Variants in CFTR observed in about 807,000 individuals in gnomAD.
CFTR encodes cystic fibrosis transmembrane conductance regulator.
CFTR carries 181 observed loss-of-function variants against 171.6 expected under a neutral mutation model. The ratio of observed to expected loss-of-function variants is 1.05; its 90% CI spans 0.93 to 1.19. The LOEUF (loss-of-function observed/expected upper bound fraction) is 1.19. Ranked by LOEUF, CFTR falls within the 50% of genes most tolerant of loss-of-function variation. The pLI, the probability that CFTR is intolerant of heterozygous loss-of-function variation, is 0.00. For missense variants in CFTR, 1,968 were observed against 1,734.7 expected (o/e 1.13, Z -2.39); for synonymous variants, 583 against 608.0 (o/e 0.96, Z 0.60).
intron 21 of CFTR, among the ~76,000 whole-genome samples, chr7:117,627,120 TC>T (rs1292268326): frequency 1.3e-5 from 2 of 152,106 alleles, no homozygotes; most frequent in Non-Finnish European, 2.9e-5. Flanking sequence ...CTAAGGTAGT[TC>T]GAGAGAAAGA....
chr7:117,492,105 T>C (rs1798168578), intron 1 of CFTR, among the ~76,000 whole-genome samples: 1 of 152,026 alleles, frequency 6.6e-6, no homozygotes. Context: ...ATTTATGAAA[T>C]TTTGGTACAT....
At chr7:117,519,400 C>A (rs1343128886) in intron 3 of CFTR, among the ~76,000 whole-genome samples, 5 of 151,984 alleles carry the variant, frequency 3.3e-5, no homozygotes, top group Non-Finnish European at 5.9e-5. Context: ...TTTTACCCTG[C>A]CAAAAGCAAA....
At chr7:117,480,289 G>T (rs1797981995) in intron 1 of CFTR, 142 bp downstream of exon 1, 1 of 778,612 alleles carries the variant, frequency 1.3e-6, no homozygotes, top group South Asian at 1.4e-5. Context: ...GAAAATGTGG[G>T]TATTGTAGAA....
intron 4 of CFTR, 86 bp downstream of exon 4, chr7:117,531,200 C>A: frequency 1.0e-6 from 1 of 994,952 alleles, no homozygotes; most frequent in Non-Finnish European, 1.5e-6. Context: ...TGAGCTGGTA[C>A]AAGTAAGGGA....
intron 11 of CFTR, among the ~76,000 whole-genome samples, chr7:117,571,966 C>T (rs1161123236): frequency 6.6e-6 from 1 of 151,088 alleles, no homozygotes; most frequent in East Asian, 1.9e-4. Context: ...TTGGTCAGTT[C>T]CTATCAGTGA....
chr7:117,492,746 C>T (rs1325402089), intron 1 of CFTR, among the ~76,000 whole-genome samples: 1 of 151,910 alleles, frequency 6.6e-6, no homozygotes, highest in Non-Finnish European at 1.5e-5. Context: ...CAAGTAAATA[C>T]ACATTTTGTG....
chr7:117,493,369 A>G (rs1584769919), intron 1 of CFTR, among the ~76,000 whole-genome samples: 1 of 152,198 alleles, frequency 6.6e-6, no homozygotes, highest in East Asian at 1.9e-4. Flanking sequence ...GAAAAAAAAG[A>G]TGTAAATATT....
chr7:117,496,268 T>C (rs1357356101), intron 1 of CFTR, among the ~76,000 whole-genome samples: 1 of 152,106 alleles, frequency 6.6e-6, no homozygotes, highest in Admixed American at 6.6e-5. Context: ...TGCAGTGGCA[T>C]GATCATGGGT....
chr7:117,540,207 C>G lies in CFTR; in HGVS notation c.977C>G (p.Ala326Gly), dbSNP rs1584789296. 1 of 1,613,888 alleles carries G rather than the reference C, an allele frequency of 6.2e-7. No homozygotes were observed. The highest frequency in any genetic ancestry group is 1.7e-5 in the Admixed American group (1 of 59,974). The change falls in exon 8 of 27, where the codon GCA becomes GGA. Residue 326 changes from alanine to glycine, a missense_variant. Ala to Gly is a moderately conservative substitution (Grantham distance 60, BLOSUM62 0). Coordinates refer to ENST00000003084, the MANE Select transcript of CFTR (RefSeq NM_000492.4). ...FVVFLSVLPY[A>G]LIKGIILRKI... Reference sequence around the variant, plus strand: ...GTGTTTTTATCTGTGCTTCCCTATGCACTAATCAAAGGAATCATCCTCCGG... The same window carrying G: ...GTGTTTTTATCTGTGCTTCCCTATGGACTAATCAAAGGAATCATCCTCCGG...
Position 117,632,244 on chromosome 7 carries a change from C to T in CFTR, c.3717+4474C>T, listed in dbSNP as rs551716353. On this transcript the variant is annotated intron_variant, in intron 22 of 26. Transcript: ENST00000003084. Reference sequence around the variant, plus strand: ...CCGACCATGCTGATGCATTCTTGCCCAAGCATGAAAGCCCTCCCTTGTTTA... The same window carrying T: ...CCGACCATGCTGATGCATTCTTGCCTAAGCATGAAAGCCCTCCCTTGTTTA... Among the ~76,000 whole-genome samples, 3 of 152,186 alleles carry T rather than the reference C, an allele frequency of 2.0e-5. No homozygotes were observed. The South Asian group carries it at 6.2e-4, about 32-fold the overall frequency.
chr7:117,624,500 G>A (rs1792623627), intron 21 of CFTR, among the ~76,000 whole-genome samples: 1 of 152,142 alleles, frequency 6.6e-6, no homozygotes, highest in Non-Finnish European at 1.5e-5. Flanking sequence ...CTGCTCCCAT[G>A]TCATGCAAGG....
rs1217596318 is a variant in CFTR at position 117,611,786 on chromosome 7, C to T, written c.3345C>T (p.Thr1115=). ...MIFVIFFIAV[T]FISILTTGEG... ...TTGTCATCTTCTTCATTGCTGTTACCTTCATTTCCATTTTAACAACAGGTA... is the reference window on the plus strand; with the variant it reads ...TTGTCATCTTCTTCATTGCTGTTACTTTCATTTCCATTTTAACAACAGGTA... Residue 1115 remains threonine, a synonymous_variant, in exon 20 of 27, where the codon ACC becomes ACT. Coordinates refer to ENST00000003084, the MANE Select transcript of CFTR (RefSeq NM_000492.4). 6.2e-7 allele frequency: 1 copy of T among 1,612,036 alleles called. No individual in the cohort carries two copies. Among genetic ancestry groups the T allele is most frequent in the Admixed American group, 1.7e-5 (1 of 59,826 alleles).
intron 21 of CFTR, among the ~76,000 whole-genome samples, chr7:117,618,149 T>C (rs1295137477): frequency 1.3e-5 from 2 of 152,158 alleles, no homozygotes; most frequent in Non-Finnish European, 2.9e-5. Flanking sequence ...CTCTTTCAGA[T>C]CTCTAAACAT....
intron 1 of CFTR, among the ~76,000 whole-genome samples, chr7:117,500,033 T>C (rs1326627098): frequency 6.6e-6 from 1 of 152,144 alleles, no homozygotes; most frequent in Non-Finnish European, 1.5e-5. Flanking sequence ...CTGCTTTGTC[T>C]CATGAAACAC....
intron 9 of CFTR, among the ~76,000 whole-genome samples, chr7:117,544,948 C>T (rs1191718714): frequency 3.3e-5 from 5 of 152,190 alleles, no homozygotes; most frequent in South Asian, 2.1e-4. Flanking sequence ...CTAAGTCTGC[C>T]GTGCTTGCCA....
At chr7:117,493,180 C>T (rs1307912889) in intron 1 of CFTR, among the ~76,000 whole-genome samples, 1 of 151,848 alleles carries the variant, frequency 6.6e-6, no homozygotes, top group African/African-American at 2.4e-5. Flanking sequence ...TTATTTTCTC[C>T]AAATTATCAT....
intron 14 of CFTR, among the ~76,000 whole-genome samples, chr7:117,593,067 T>C (rs764625441): frequency 2.6e-5 from 4 of 152,212 alleles, no homozygotes; most frequent in Non-Finnish European, 5.9e-5. Flanking sequence ...ATATATAAGG[T>C]ATATAAACAT....
chr7:117,512,052 T>G (rs1798528310), intron 3 of CFTR, among the ~76,000 whole-genome samples: 1 of 152,144 alleles, frequency 6.6e-6, no homozygotes, highest in African/African-American at 2.4e-5. Context: ...TGGTCATACT[T>G]TCAGAATCTC....
intron 11 of CFTR, among the ~76,000 whole-genome samples, chr7:117,560,062 A>G (rs1323376265): frequency 6.6e-6 from 1 of 152,092 alleles, no homozygotes; most frequent in African/African-American, 2.4e-5. Flanking sequence ...TTATTTTAAT[A>G]ATTTTAATAA....
Sources: allele counts gnomAD v4.1 joint callset (sites outside exome capture counted in the v4.1 genomes callset), GRCh38; gene constraint gnomAD v4.1.1; transcripts MANE v1.5; gene names NCBI Gene and HGNC (gene_info 2026-07-23, HGNC 2026-07-21).